PDE10A: variants seen among roughly 807,000 people sequenced by gnomAD.
The protein encoded by PDE10A is cAMP and cAMP-inhibited cGMP 3',5'-cyclic phosphodiesterase 10A.
Under a neutral mutation model 97.7 loss-of-function variants are expected in PDE10A, and 39 were observed. The observed-to-expected ratio is 0.40, with a 90% CI of 0.31 to 0.52. The LOEUF is 0.52. Ranked by LOEUF, PDE10A falls within the 20% of genes least tolerant of loss-of-function variation. The probability of loss-of-function intolerance (pLI) is 0.56; values close to 1 mark genes in which losing one functional copy is unlikely to be tolerated. For missense variants in PDE10A, 731 were observed against 1,047.8 expected (o/e 0.70, Z 4.17); for synonymous variants, 371 against 376.8 (o/e 0.98, Z 0.18).
At chr6:165,786,607 T>C (rs888020313) in intron 1 of PDE10A, among the ~76,000 whole-genome samples, 1 of 152,186 alleles carries the variant, frequency 6.6e-6, no homozygotes, top group Admixed American at 6.5e-5. Flanking sequence ...ATGGGCTGTT[T>C]TGCATTAATG....
At position 165,987,282 on chromosome 6, in the gene PDE10A, C is replaced by G. The variant is rs543886296; in HGVS notation, c.-615+247G>C. Reference sequence around the variant, plus strand: ...GTCTCTCTCCCCTCCTCTGCAAACCCTTGAGTCTTCGGCTTTATATACTCC... The same window carrying G: ...GTCTCTCTCCCCTCCTCTGCAAACCGTTGAGTCTTCGGCTTTATATACTCC... On this transcript the variant is annotated intron_variant, in intron 1 of 19. Transcript: ENST00000366882. 1.8e-3 allele frequency among the ~76,000 whole-genome samples: 270 copies of G among 152,326 alleles called. 1 individual carries two copies. The highest frequency in any genetic ancestry group is 6.3e-3 in the African/African-American group (260 of 41,578).
intron 1 of PDE10A, among the ~76,000 whole-genome samples, chr6:165,670,043 G>A (rs1363560279): frequency 6.6e-6 from 1 of 152,244 alleles, no homozygotes; most frequent in East Asian, 1.9e-4. Context: ...ACACCTGGAA[G>A]GTTGCATTTG....
At chr6:165,437,259 A>T (rs1001432602) in intron 5 of PDE10A, among the ~76,000 whole-genome samples, 1 of 152,222 alleles carries the variant, frequency 6.6e-6, no homozygotes, top group South Asian at 2.1e-4. Flanking sequence ...ACTTAGCCAT[A>T]GGCCCTTCAA....
At chr6:165,787,584 C>G (rs1778530458) in intron 1 of PDE10A, among the ~76,000 whole-genome samples, 1 of 152,184 alleles carries the variant, frequency 6.6e-6, no homozygotes, top group Admixed American at 6.5e-5. Flanking sequence ...AGGAGACATA[C>G]AGAATTAGAG....
chr6:165,389,936 C>T (rs1220309048), intron 16 of PDE10A, among the ~76,000 whole-genome samples: 1 of 152,204 alleles, frequency 6.6e-6, no homozygotes, highest in East Asian at 1.9e-4. Context: ...CAACACATTT[C>T]ATATGACAGT....
intron 13 of PDE10A, among the ~76,000 whole-genome samples, chr6:165,399,938 C>T (rs1175345646): frequency 6.6e-6 from 1 of 152,088 alleles, no homozygotes; most frequent in East Asian, 1.9e-4. Flanking sequence ...TGGGTATATA[C>T]CCAGTAATGG....
intron 2 of PDE10A, among the ~76,000 whole-genome samples, chr6:165,502,763 A>G (rs1263376545): frequency 4.6e-5 from 7 of 152,190 alleles, no homozygotes; most frequent in Admixed American, 4.6e-4. Context: ...ACTTCACACT[A>G]CATGAGTGTC....
intron 15 of PDE10A, among the ~76,000 whole-genome samples, chr6:165,394,587 A>G (rs910927512): frequency 1.3e-5 from 2 of 152,172 alleles, no homozygotes; most frequent in African/African-American, 4.8e-5. Flanking sequence ...ATACCTAGTA[A>G]TGGGATTGCT....
chr6:165,599,391 T>C (rs1316999231), intron 1 of PDE10A, among the ~76,000 whole-genome samples: 1 of 152,160 alleles, frequency 6.6e-6, no homozygotes, highest in African/African-American at 2.4e-5. Flanking sequence ...GCCCGTATAG[T>C]TTTCTCTTCT....
intron 1 of PDE10A, among the ~76,000 whole-genome samples, chr6:165,565,827 G>C (rs1163794231): frequency 6.6e-6 from 1 of 152,180 alleles, no homozygotes; most frequent in Non-Finnish European, 1.5e-5. Flanking sequence ...CAATACAGTA[G>C]AGAAAAAATA....
intron 1 of PDE10A, among the ~76,000 whole-genome samples, chr6:165,678,169 A>ATGTGTATGTC: frequency 1.3e-4 from 1 of 7,672 alleles, no homozygotes; most frequent in Middle Eastern, 0.029. Flanking sequence ...GTGTGTATGT[A>ATGTGTATGTC]TGTGTGTGTC....
At chr6:165,367,377 C>T (rs1783848341) in intron 18 of PDE10A, among the ~76,000 whole-genome samples, 1 of 151,744 alleles carries the variant, frequency 6.6e-6, no homozygotes, top group African/African-American at 2.4e-5. Context: ...ATACACAAAC[C>T]ATTACCAGTG....
At chr6:165,507,784 T>G (rs1006290126) in intron 2 of PDE10A, among the ~76,000 whole-genome samples, 1 of 152,106 alleles carries the variant, frequency 6.6e-6, no homozygotes. Flanking sequence ...ACAAATATTT[T>G]ACGGTTTTAG....
intron 2 of PDE10A, among the ~76,000 whole-genome samples, chr6:165,526,560 T>A (rs1001190339): frequency 3.3e-5 from 5 of 152,202 alleles, no homozygotes; most frequent in African/African-American, 1.2e-4. Context: ...CATCAAGGAC[T>A]TGAAAGACGA....
chr6:165,749,281 CCAT>C (rs1792924301), intron 1 of PDE10A, among the ~76,000 whole-genome samples: 1 of 56,186 alleles, frequency 1.8e-5, no homozygotes, highest in African/African-American at 5.7e-5. Context: ...ATCACCATTA[CCAT>C]CATCACCATC....
At chr6:165,910,095 C>T (rs1782410723) in intron 1 of PDE10A, among the ~76,000 whole-genome samples, 1 of 152,150 alleles carries the variant, frequency 6.6e-6, no homozygotes, top group Non-Finnish European at 1.5e-5. Context: ...ATCCCCAGTG[C>T]CTAGAATAGT....
Position 165,327,591 on chromosome 6 carries a change from A to T in PDE10A, c.*5434T>A, listed in dbSNP as rs1385858646. ...CAGTAAATGTTTTTTAAATACAAAG[A>T]CTGCAAATGAATACATGAAAAAATT... is the stretch of plus-strand genomic sequence containing the variant. On this transcript the variant is annotated 3_prime_UTR_variant, in exon 22 of 22. Coordinates refer to ENST00000539869, the MANE Select transcript of PDE10A (RefSeq NM_001385079.1). 6.6e-6 allele frequency: 1 copy of T among 152,232 alleles called. No homozygotes were observed. Among genetic ancestry groups the T allele is most frequent in the Non-Finnish European group, 1.5e-5 (1 of 68,028 alleles). 9.4% of individuals were successfully genotyped at this position (152,232 alleles called of 1,614,324 possible).
intron 13 of PDE10A, among the ~76,000 whole-genome samples, chr6:165,413,215 T>C (rs1788028794): frequency 6.6e-6 from 1 of 152,186 alleles, no homozygotes. Flanking sequence ...GTAGATACCA[T>C]TAAATATAAG....
chr6:165,885,819 G>A (rs564558902), intron 1 of PDE10A, among the ~76,000 whole-genome samples: 8 of 152,316 alleles, frequency 5.3e-5, no homozygotes, highest in African/African-American at 1.9e-4. Context: ...CGGCATATGT[G>A]TAGACATGTG....
Sources: gnomAD v4.1 joint callset for allele counts (sites outside exome capture counted in the v4.1 genomes callset) on GRCh38, gnomAD v4.1.1 for gene constraint, MANE v1.5 for transcripts, NCBI Gene and HGNC (gene_info 2026-07-23, HGNC 2026-07-21) for gene names.